The following SAXO1 variants were observed in gnomAD, a reference collection of about 807,000 sequenced individuals.
SAXO1 encodes 4930500O09Rik.
In SAXO1, 21 loss-of-function variants were observed where a neutral mutation model predicts 17.5. That is an observed-to-expected ratio of 1.20 (90% CI 0.85 to 1.72). The LOEUF (loss-of-function observed/expected upper bound fraction) is 1.72, where lower values mean the gene tolerates loss of function less well. SAXO1 is among the 40% of genes most tolerant of loss of function. SAXO1 has a pLI of 0.00. For synonymous variants in SAXO1, 274 were observed against 216.5 expected (o/e 1.27, Z -2.33); for missense variants, 843 against 596.0 (o/e 1.41, Z -4.32).
At chr9:18,935,490 G>A (rs1200783492) in intron 3 of SAXO1, among the ~76,000 whole-genome samples, 6 of 152,138 alleles carry the variant, frequency 3.9e-5, no homozygotes, top group Non-Finnish European at 5.9e-5. Flanking sequence ...GATTGCCCTT[G>A]AGCCTGCATG....
chr9:18,954,768 C>T (rs1977444), intron 1 of SAXO1, among the ~76,000 whole-genome samples: 85,980 of 151,918 alleles, frequency 0.57, 27,101 homozygotes, highest in Non-Finnish European at 0.71. Flanking sequence ...ATAGGATAGG[C>T]GTCTATCACT....
chr9:18,998,526 G>A (rs1834106908), intron 1 of SAXO1, among the ~76,000 whole-genome samples: 1 of 152,202 alleles, frequency 6.6e-6, no homozygotes, highest in Non-Finnish European at 1.5e-5. Context: ...ATGGAACCAA[G>A]TTAGAAAACA....
intron 2 of SAXO1, among the ~76,000 whole-genome samples, chr9:18,949,984 C>A (rs1481047927): frequency 2.6e-5 from 4 of 152,130 alleles, no homozygotes; most frequent in Admixed American, 1.3e-4. Context: ...CAATCTGAGA[C>A]TGCCCAACTG....
chr9:19,028,070 A>C (rs1247521867), intron 1 of SAXO1: 6 of 1,611,792 alleles, frequency 3.7e-6, no homozygotes, highest in Non-Finnish European at 5.1e-6. Flanking sequence ...ACCCACGAGG[A>C]CTACATGGAA....
intron 1 of SAXO1, among the ~76,000 whole-genome samples, chr9:19,015,214 G>C (rs540183035): frequency 6.6e-6 from 1 of 152,094 alleles, no homozygotes; most frequent in Non-Finnish European, 1.5e-5. Context: ...CAACCAGCCC[G>C]GAGTACAATG....
At chr9:18,967,315 G>A (rs891707569) in intron 1 of SAXO1, among the ~76,000 whole-genome samples, 11 of 152,226 alleles carry the variant, frequency 7.2e-5, no homozygotes, top group Admixed American at 4.6e-4. Flanking sequence ...TGGCAGGCAG[G>A]AACATTTAAG....
intron 1 of SAXO1, among the ~76,000 whole-genome samples, chr9:19,012,370 T>C (rs993866975): frequency 1.3e-5 from 2 of 152,260 alleles, no homozygotes; most frequent in African/African-American, 4.8e-5. Context: ...GCCTCACCCC[T>C]AATCCTCCCC....
At chr9:18,940,024 C>A (rs937473030) in intron 3 of SAXO1, among the ~76,000 whole-genome samples, 17 of 152,094 alleles carry the variant, frequency 1.1e-4, no homozygotes, top group Non-Finnish European at 2.9e-5. Flanking sequence ...GAGGAAACAG[C>A]AAAAGGGCTG....
chr9:18,947,794 T>G (rs1831859092), intron 2 of SAXO1: 1 of 152,172 alleles, frequency 6.6e-6, no homozygotes, highest in African/African-American at 2.4e-5. Context: ...TCACAAGCAT[T>G]CCCCTCATGG....
intron 1 of SAXO1, among the ~76,000 whole-genome samples, chr9:18,980,739 C>A: frequency 7.8e-6 from 1 of 127,556 alleles, no homozygotes; most frequent in African/African-American, 3.1e-5. Flanking sequence ...ATAATAGCAC[C>A]ACATTTGCTT....
At chr9:19,032,849 G>A (rs1465078496) in intron 1 of SAXO1, 22 bp downstream of exon 1, 2 of 1,608,812 alleles carry the variant, frequency 1.2e-6, no homozygotes, top group South Asian at 1.1e-5. Context: ...CCCCAGCCTT[G>A]CCCTGGGCGT....
chr9:19,041,001 A>G (rs1836065743), intron 1 of SAXO1, among the ~76,000 whole-genome samples: 1 of 151,912 alleles, frequency 6.6e-6, no homozygotes, highest in East Asian at 1.9e-4. Flanking sequence ...AAAAAGTCAA[A>G]TTATCGTTGT....
At position 18,942,546 on chromosome 9, in the gene SAXO1, A is replaced by T. The variant is rs1051807212; in HGVS notation, c.219-707T>A. Among the ~76,000 whole-genome samples the T allele has an allele frequency of 2.6e-5, 4 of 152,340 alleles. 1 individual carries two copies. Among genetic ancestry groups the T allele is most frequent in the Admixed American group, 6.5e-5 (1 of 15,308 alleles). On this transcript the variant is annotated intron_variant, in intron 2 of 3. Transcript: ENST00000380534. ...TCTCTTTCCTCTACTTAGCCTACAGAAAACCCAGAAGAGGAAAACAGTGAA... is the reference window on the plus strand; with the variant it reads ...TCTCTTTCCTCTACTTAGCCTACAGTAAACCCAGAAGAGGAAAACAGTGAA...
At chr9:19,009,214 A>T (rs1046585440) in intron 1 of SAXO1, among the ~76,000 whole-genome samples, 5 of 150,228 alleles carry the variant, frequency 3.3e-5, no homozygotes, top group African/African-American at 4.9e-5. Context: ...GTAAAAAAAA[A>T]TCTTCACATT....
rs754956008 is a variant in SAXO1, at chr9:18,941,721, G to C, written c.337C>G (p.Pro113Ala). ...TTYKKDYNPY[P>A]VCRVDPIKPR... is the part of the protein sequence containing the mutation. ...TTGATGGGGTCCACTCGACAGACAGGGTAGGGATTGTAATCTTTCTTATAC... is the reference window on the plus strand; with the variant it reads ...TTGATGGGGTCCACTCGACAGACAGCGTAGGGATTGTAATCTTTCTTATAC... The change falls in exon 3 of 4, where the codon CCT (proline) becomes GCT (alanine). Residue 113 changes from proline (P) to alanine (A), a missense_variant. By Grantham distance (27) the Pro-to-Ala change is conservative. Transcript: ENST00000380534. 2.4e-5 allele frequency: 38 copies of C among 1,613,854 alleles called. No homozygotes were observed. The highest frequency in any genetic ancestry group is 3.2e-5 in the Non-Finnish European group (38 of 1,180,024).
At position 19,031,378 on chromosome 9, in the gene SAXO1, TG is replaced by T. The variant is rs374207867; in HGVS notation, c.38+1492del. On this transcript the variant is annotated intron_variant, in intron 1 of 3. Transcript: ENST00000380534. Reference sequence around the variant, plus strand: ...GAGTTCAAAACCAGCCTGGACAACATGGTTGAAACCCTGTCTCTACTAAAAA... The same window carrying T: ...GAGTTCAAAACCAGCCTGGACAACATGTTGAAACCCTGTCTCTACTAAAAA... Among the ~76,000 whole-genome samples, 82 of 152,214 alleles carry T rather than the reference TG, an allele frequency of 5.4e-4. 3 individuals are homozygous for T. The South Asian group carries it at 0.016, about 30-fold the overall frequency.
chr9:18,943,471 T>C (rs917053369), intron 2 of SAXO1, among the ~76,000 whole-genome samples: 2 of 152,154 alleles, frequency 1.3e-5, no homozygotes, highest in Non-Finnish European at 2.9e-5. Context: ...ACTAAACCAA[T>C]TGTAGCAGGG....
chr9:18,928,524 G>A lies in SAXO1; in HGVS notation c.953C>T (p.Pro318Leu). ...QAHYTCPKGA[P>L]AQSCRPALQI... ...AAGTGCAGGTCGGCAGGACTGAGCTGGGGCACCCTTAGGGCATGTGTAATG... is the reference window on the plus strand; with the variant it reads ...AAGTGCAGGTCGGCAGGACTGAGCTAGGGCACCCTTAGGGCATGTGTAATG... Residue 318 changes from proline to leucine, a missense_variant, in exon 4 of 4, where the codon CCA (proline) becomes CTA (leucine). Pro to Leu is a moderately conservative substitution (Grantham distance 98, BLOSUM62 -3). Coordinates refer to ENST00000380534, the MANE Select transcript of SAXO1 (RefSeq NM_153707.4). 1.2e-6 allele frequency: 2 copies of A among 1,613,964 alleles called. No homozygotes were observed. The highest frequency in any genetic ancestry group is 1.7e-6 in the Non-Finnish European group (2 of 1,179,940).
At chr9:19,023,905 G>A (rs537587997) in intron 1 of SAXO1, among the ~76,000 whole-genome samples, 5 of 151,538 alleles carry the variant, frequency 3.3e-5, no homozygotes, top group African/African-American at 9.7e-5. Context: ...TTGGGAGTCC[G>A]AGGTGGGAAG....
Sources: gnomAD v4.1 joint callset for allele counts (sites outside exome capture counted in the v4.1 genomes callset) on GRCh38, gnomAD v4.1.1 for gene constraint, MANE v1.5 for transcripts, NCBI Gene and HGNC (gene_info 2026-07-23, HGNC 2026-07-21) for gene names.